Variants in ZNF654 observed in about 807,000 individuals in gnomAD.
The protein encoded by ZNF654 is zinc finger protein 654.
ZNF654 carries 19 observed loss-of-function variants against 95.3 expected under a neutral mutation model. That is an observed-to-expected ratio of 0.20 (90% CI 0.14 to 0.29). The LOEUF (loss-of-function observed/expected upper bound fraction) is 0.29. Among genes scored for constraint, ZNF654 ranks in the 10% least tolerant of loss-of-function variants. The pLI, the probability that ZNF654 is intolerant of heterozygous loss-of-function variation, is 1.00. For missense variants in ZNF654, 1,046 were observed against 1,341.0 expected (o/e 0.78, Z 3.44); for synonymous variants, 413 against 457.9 (o/e 0.90, Z 1.25).
At chr3:88,085,334 A>G (rs182571671) in intron 1 of ZNF654, among the ~76,000 whole-genome samples, 10 of 152,370 alleles carry the variant, frequency 6.6e-5, no homozygotes, top group Admixed American at 6.5e-4. Context: ...CAGACAATAC[A>G]TAAATGGATG....
intron 2 of ZNF654, among the ~76,000 whole-genome samples, chr3:88,107,620 A>G (rs1704823615): frequency 6.6e-6 from 1 of 152,092 alleles, no homozygotes; most frequent in African/African-American, 2.4e-5. Context: ...TTAAACATGT[A>G]TACTCCACCT....
chr3:88,098,882 CTGAA>C (rs576957142), intron 2 of ZNF654, among the ~76,000 whole-genome samples: 119 of 152,268 alleles, frequency 7.8e-4, no homozygotes, highest in African/African-American at 2.7e-3. Context: ...CAGTATCATA[CTGAA>C]TGGGCAAAAA....
rs1164011815 is a variant in ZNF654 at position 88,062,967 on chromosome 3, T to C, written c.186+3462T>C. Among the ~76,000 whole-genome samples the C allele has an allele frequency of 4.6e-5, 7 of 152,324 alleles. No homozygotes were observed. In the East Asian group the frequency reaches 1.3e-3, roughly 29 times the overall value. ...TTTCGCAGTAAACTTGAGAGAAAAT[T>C]TAGAAATGTTACAATTCTTAAATTC... On this transcript the variant is annotated intron_variant, in intron 1 of 8. Transcript: ENST00000636215.
rs1170778077 is a variant in ZNF654, at chr3:88,082,548, T to C, written c.187-3709T>C. On this transcript the variant is annotated intron_variant, in intron 1 of 8. Coordinates refer to ENST00000636215, the MANE Select transcript of ZNF654 (RefSeq NM_001350134.2). ...TTGAGGTAATGAAAGTTGATGACAATGGGAGTCTTCAAGGAGGAAAGAATA... is the reference window on the plus strand; with the variant it reads ...TTGAGGTAATGAAAGTTGATGACAACGGGAGTCTTCAAGGAGGAAAGAATA... Among the ~76,000 whole-genome samples the C allele has an allele frequency of 2.0e-5, 3 of 152,182 alleles. No homozygotes were observed. The East Asian group carries it at 5.8e-4, about 29-fold the overall frequency.
chr3:88,105,858 T>C (rs1704705644), intron 2 of ZNF654, among the ~76,000 whole-genome samples: 1 of 152,200 alleles, frequency 6.6e-6, no homozygotes, highest in African/African-American at 2.4e-5. Flanking sequence ...TGTAACAGTA[T>C]TAAGAGGTGG....
intron 6 of ZNF654, 38 bp downstream of exon 6, chr3:88,129,864 TG>T: frequency 1.5e-6 from 2 of 1,367,704 alleles, no homozygotes; most frequent in Non-Finnish European, 1.9e-6. Context: ...AATGGTAAGA[TG>T]GGCAACAGAA....
intron 7 of ZNF654, among the ~76,000 whole-genome samples, chr3:88,137,754 G>A (rs1706885166): frequency 2.6e-5 from 4 of 152,248 alleles, no homozygotes; most frequent in Middle Eastern, 3.4e-3. Context: ...AAAATCGGAT[G>A]TGCCAAGTTA....
chr3:88,102,614 A>G (rs934387011), intron 2 of ZNF654, among the ~76,000 whole-genome samples: 6 of 152,178 alleles, frequency 3.9e-5, no homozygotes, highest in African/African-American at 1.4e-4. Context: ...GTATCTGGCA[A>G]TTCAGCCTCT....
At chr3:88,127,764 T>C (rs1706206611) in intron 4 of ZNF654, among the ~76,000 whole-genome samples, 1 of 152,178 alleles carries the variant, frequency 6.6e-6, no homozygotes, top group Non-Finnish European at 1.5e-5. Flanking sequence ...TAAATACTCC[T>C]TTGATACCTA....
intron 3 of ZNF654, among the ~76,000 whole-genome samples, chr3:88,125,227 C>CA (rs1233175146): frequency 2.0e-5 from 3 of 147,526 alleles, no homozygotes; most frequent in East Asian, 4.0e-4. Context: ...AAAAAAAAAA[C>CA]AAAAAAACAA....
intron 1 of ZNF654, among the ~76,000 whole-genome samples, chr3:88,061,980 A>G (rs1189394427): frequency 6.6e-6 from 1 of 152,138 alleles, no homozygotes; most frequent in African/African-American, 2.4e-5. Context: ...CTTGGCAGTT[A>G]GTTGTGTGGG....
intron 3 of ZNF654, among the ~76,000 whole-genome samples, chr3:88,122,845 A>G (rs1214505400): frequency 6.6e-6 from 1 of 151,848 alleles, no homozygotes; most frequent in Admixed American, 6.6e-5. Context: ...CCCTGTCTCT[A>G]CTAATAATAC....
Position 88,059,316 on chromosome 3 carries a change from C to G in ZNF654, c.-4C>G. The G allele has an allele frequency of 6.5e-7, 1 of 1,533,392 alleles. No individual in the cohort carries two copies. Among genetic ancestry groups the G allele is most frequent in the Non-Finnish European group, 8.7e-7 (1 of 1,146,466 alleles). 95.0% of individuals were successfully genotyped at this position (1,533,392 alleles called of 1,614,324 possible). On this transcript the variant is annotated 5_prime_UTR_variant, in exon 1 of 9. Transcript: ENST00000636215. ...GCTGGTACGCGCTGGGCGGCGAGAG[C>G]CTCATGGCGGAGGAAGAGAGCGACC...
chr3:88,081,564 G>A (rs899705369), intron 1 of ZNF654, among the ~76,000 whole-genome samples: 7 of 152,092 alleles, frequency 4.6e-5, no homozygotes, highest in African/African-American at 1.7e-4. Context: ...GTATCAGTAT[G>A]GACTTACATA....
At chr3:88,063,346 C>T (rs1706996649) in intron 1 of ZNF654, among the ~76,000 whole-genome samples, 1 of 151,924 alleles carries the variant, frequency 6.6e-6, no homozygotes, top group South Asian at 2.1e-4. Flanking sequence ...TAATGATCCT[C>T]AAATAGTTTT....
intron 1 of ZNF654, among the ~76,000 whole-genome samples, chr3:88,062,511 G>C (rs1215480359): frequency 6.6e-6 from 1 of 152,206 alleles, no homozygotes; most frequent in Non-Finnish European, 1.5e-5. Flanking sequence ...TCAAGAAGCA[G>C]ACTGTTATTG....
intron 2 of ZNF654, among the ~76,000 whole-genome samples, chr3:88,105,832 G>T (rs1270712273): frequency 6.6e-6 from 1 of 151,930 alleles, no homozygotes; most frequent in Non-Finnish European, 1.5e-5. Flanking sequence ...AACTCATATT[G>T]CAATTTAATT....
Position 88,093,732 on chromosome 3 carries a change from G to T in ZNF654, c.332+7330G>T, listed in dbSNP as rs115170750. ...AGCATTTATGCCTAGCCTAACTTCAGTCTCTACTCTATAATCAAGTTTTAC... is the reference window on the plus strand; with the variant it reads ...AGCATTTATGCCTAGCCTAACTTCATTCTCTACTCTATAATCAAGTTTTAC... On this transcript the variant is annotated intron_variant, in intron 2 of 8. Transcript: ENST00000636215. 3.2e-3 allele frequency among the ~76,000 whole-genome samples: 485 copies of T among 152,284 alleles called. 2 individuals are homozygous for T. The highest frequency in any genetic ancestry group is 0.011 in the African/African-American group (465 of 41,568).
At chr3:88,141,561 G>A (rs1559739909) in intron 8 of ZNF654, 84 bp from the exon 9 acceptor site, 2 of 995,122 alleles carry the variant, frequency 2.0e-6, no homozygotes, top group South Asian at 2.3e-5. Context: ...AAAATGACAG[G>A]GTATAAATTA....
Sources: allele counts gnomAD v4.1 joint callset (sites outside exome capture counted in the v4.1 genomes callset), GRCh38; gene constraint gnomAD v4.1.1; transcripts MANE v1.5; gene names NCBI Gene and HGNC (gene_info 2026-07-23, HGNC 2026-07-21).